The following DOCK5 variants were observed in gnomAD, a reference collection of about 807,000 sequenced individuals.
DOCK5 encodes the protein dedicator of cytokinesis 5.
Under a neutral mutation model 251.8 loss-of-function variants are expected in DOCK5, and 142 were observed. The ratio of observed to expected loss-of-function variants is 0.56; its 90% confidence interval spans 0.49 to 0.65. The LOEUF is 0.65. DOCK5 is among the 30% of genes least tolerant of loss of function. DOCK5 has a pLI of 0.00. For missense variants in DOCK5, 2,111 were observed against 2,312.3 expected (o/e 0.91, Z 1.79); for synonymous variants, 842 against 835.5 (o/e 1.01, Z -0.13).
chr8:25,384,529 G>A (rs1038446065), intron 40 of DOCK5, among the ~76,000 whole-genome samples: 7 of 147,298 alleles, frequency 4.8e-5, no homozygotes, highest in Admixed American at 2.1e-4. Context: ...GTGGAATCTC[G>A]GCTCACTGCA....
At chr8:25,393,167 A>G (rs1188754331) in intron 44 of DOCK5, among the ~76,000 whole-genome samples, 1 of 152,168 alleles carries the variant, frequency 6.6e-6, no homozygotes, top group Non-Finnish European at 1.5e-5. Context: ...CATTTTTGGA[A>G]TGCTGCTTTG....
rs190997322 is a variant in DOCK5 at position 25,214,241 on chromosome 8, C to G, written c.43+29290C>G. Among the ~76,000 whole-genome samples the G allele has an allele frequency of 4.7e-3, 718 of 152,146 alleles. 4 individuals carry two copies. Among genetic ancestry groups the G allele is most frequent in the African/African-American group, 0.017 (686 of 41,508 alleles). Reference sequence around the variant, plus strand: ...AGGTTCTGTTGTCTCCCTCACTGACCCCTCTGCTTTTAGAGAACGAATTCT... The same window carrying G: ...AGGTTCTGTTGTCTCCCTCACTGACGCCTCTGCTTTTAGAGAACGAATTCT... On this transcript the variant is annotated intron_variant, in intron 1 of 51. Transcript: ENST00000276440.
chr8:25,192,956 A>G (rs1400155885), intron 1 of DOCK5, among the ~76,000 whole-genome samples: 11 of 152,242 alleles, frequency 7.2e-5, no homozygotes. Flanking sequence ...AGCAACAAAA[A>G]TAAAAGCGGT....
At chr8:25,206,186 G>A (rs951972333) in intron 1 of DOCK5, among the ~76,000 whole-genome samples, 1 of 152,158 alleles carries the variant, frequency 6.6e-6, no homozygotes, top group Non-Finnish European at 1.5e-5. Flanking sequence ...GTTATTTGTG[G>A]CAAGTGGATA....
rs147438942 is a variant in DOCK5, at chr8:25,325,842, G to A, written c.1903+295G>A. Among the ~76,000 whole-genome samples, 22 of 152,306 alleles carry A rather than the reference G, an allele frequency of 1.4e-4. 1 individual carries two copies. In the East Asian group the frequency reaches 3.5e-3, roughly 24 times the overall value. ...ACAGCAACTGTAAAATTCAAAAGCC[G>A]TATGTTCCCTGATAGTGCATTCTGT... On this transcript the variant is annotated intron_variant, in intron 18 of 51. Transcript: ENST00000276440.
At chr8:25,195,251 CTTTTTTTT>C (rs59704416) in intron 1 of DOCK5, among the ~76,000 whole-genome samples, 10 of 106,232 alleles carry the variant, frequency 9.4e-5, no homozygotes, top group African/African-American at 3.5e-4. Flanking sequence ...CTCCTTATCA[CTTTTTTTT>C]TTTTTTTTTT....
chr8:25,393,025 G>T, intron 44 of DOCK5, 143 bp downstream of exon 44: 2 of 681,952 alleles, frequency 2.9e-6, no homozygotes, highest in South Asian at 3.5e-5. Flanking sequence ...GAAATAAAAG[G>T]CATGCTTATA....
intron 1 of DOCK5, among the ~76,000 whole-genome samples, chr8:25,200,458 A>G (rs1222906708): frequency 6.6e-6 from 1 of 152,244 alleles, no homozygotes; most frequent in African/African-American, 2.4e-5. Context: ...AGTGATAGAT[A>G]AAGTGTTGAC....
At chr8:25,268,214 C>CATA (rs1803814434) in intron 2 of DOCK5, among the ~76,000 whole-genome samples, 2 of 151,376 alleles carry the variant, frequency 1.3e-5, no homozygotes, top group African/African-American at 4.9e-5. Flanking sequence ...CAAACAAACG[C>CATA]ATAAGATCTT....
chr8:25,364,342 A>G (rs1054917468), intron 29 of DOCK5, among the ~76,000 whole-genome samples: 2 of 152,132 alleles, frequency 1.3e-5, no homozygotes, highest in Non-Finnish European at 2.9e-5. Flanking sequence ...TATATATATT[A>G]CCCTCCTCTG....
intron 5 of DOCK5, 129 bp downstream of exon 5, chr8:25,278,794 A>G (rs1804112735): frequency 4.9e-6 from 4 of 818,618 alleles, no homozygotes; most frequent in Non-Finnish European, 7.8e-6. Flanking sequence ...GATCACACAA[A>G]GGCTGATAAG....
chr8:25,315,079 G>A (rs1213888084), intron 13 of DOCK5, among the ~76,000 whole-genome samples: 2 of 78,534 alleles, frequency 2.5e-5, no homozygotes, highest in African/African-American at 7.4e-5. Context: ...ATCTCATCCC[G>A]CTCCTCCCTC....
At position 25,231,747 on chromosome 8, in the gene DOCK5, A is replaced by G. The variant is rs987669181; in HGVS notation, c.44-11927A>G. Among the ~76,000 whole-genome samples the G allele has an allele frequency of 3.9e-5, 6 of 152,302 alleles. No homozygotes were observed. In the East Asian group the frequency reaches 1.2e-3, roughly 29 times the overall value. ...GTGAAATAGAGCGATTCAAGCAGAT[A>G]TCTTTGCCTTGTACCTGGTATTAGA... On this transcript the variant is annotated intron_variant, in intron 1 of 51. Coordinates refer to ENST00000276440, the MANE Select transcript of DOCK5 (RefSeq NM_024940.8).
chr8:25,393,891 C>G (rs919374081), intron 44 of DOCK5, among the ~76,000 whole-genome samples: 6 of 152,170 alleles, frequency 3.9e-5, no homozygotes, highest in Non-Finnish European at 5.9e-5. Flanking sequence ...AGTAGGTGTT[C>G]AAGAAATGTT....
chr8:25,272,314 C>T (rs997941607), intron 3 of DOCK5, among the ~76,000 whole-genome samples: 7 of 152,212 alleles, frequency 4.6e-5, no homozygotes, highest in African/African-American at 1.7e-4. Flanking sequence ...CAAGCATGAT[C>T]CACTGTGCCT....
intron 28 of DOCK5, among the ~76,000 whole-genome samples, chr8:25,360,027 A>G (rs991544564): frequency 1.4e-4 from 21 of 152,176 alleles, no homozygotes; most frequent in African/African-American, 5.1e-4. Flanking sequence ...GTGCCGCTGG[A>G]TTAGCACACT....
intron 2 of DOCK5, among the ~76,000 whole-genome samples, chr8:25,260,478 A>G (rs1803549680): frequency 6.6e-6 from 1 of 151,994 alleles, no homozygotes; most frequent in Non-Finnish European, 1.5e-5. Flanking sequence ...GATTTTATAA[A>G]ACACTCCATA....
intron 1 of DOCK5, among the ~76,000 whole-genome samples, chr8:25,222,689 G>A (rs935715042): frequency 2.0e-5 from 3 of 151,912 alleles, no homozygotes; most frequent in Non-Finnish European, 2.9e-5. Flanking sequence ...TCTGTTCCTC[G>A]CCTCCATCAG....
chr8:25,305,298 A>G (rs1392645966), intron 11 of DOCK5: 1 of 152,144 alleles, frequency 6.6e-6, no homozygotes, highest in South Asian at 2.1e-4. Context: ...ATGCAAAAAA[A>G]AAAAAAAAAG....
Sources: allele counts gnomAD v4.1 joint callset (sites outside exome capture counted in the v4.1 genomes callset), GRCh38; gene constraint gnomAD v4.1.1; transcripts MANE v1.5; gene names NCBI Gene and HGNC (gene_info 2026-07-23, HGNC 2026-07-21).